Variants in MYO5A observed in about 807,000 individuals in gnomAD.
MYO5A encodes myosin VA.
In MYO5A, 98 loss-of-function variants were observed where a neutral mutation model predicts 249.7. The observed-to-expected ratio is 0.39, with a 90% CI of 0.33 to 0.46. The LOEUF is 0.46. MYO5A is among the 20% of genes least tolerant of loss of function. The probability of loss-of-function intolerance (pLI) is 0.98; values close to 1 mark genes in which losing one functional copy is unlikely to be tolerated. For missense variants in MYO5A, 1,696 were observed against 2,308.8 expected, an observed-to-expected ratio of 0.73 and a Z score of 5.44; for synonymous variants, 778 against 810.6, an observed-to-expected ratio of 0.96 and a Z score of 0.68.
intron 23 of MYO5A, among the ~76,000 whole-genome samples, chr15:52,366,763 T>C (rs934713169): frequency 3.3e-5 from 5 of 152,108 alleles, no homozygotes; most frequent in African/African-American, 1.2e-4. Flanking sequence ...AACAAATTAA[T>C]TTTAAAAAAA....
At chr15:52,516,591 G>A (rs775463741) in intron 1 of MYO5A, among the ~76,000 whole-genome samples, 4 of 152,278 alleles carry the variant, frequency 2.6e-5, no homozygotes, top group Non-Finnish European at 5.9e-5. Flanking sequence ...TGCTACACAC[G>A]GCAATGACCT....
At chr15:52,510,867 G>GA (rs1387730007) in intron 1 of MYO5A, among the ~76,000 whole-genome samples, 5 of 152,210 alleles carry the variant, frequency 3.3e-5, no homozygotes, top group Admixed American at 6.5e-5. Flanking sequence ...ACAGATTTGT[G>GA]AAACAGTCAC....
chr15:52,414,181 C>A (rs968617621), intron 5 of MYO5A, among the ~76,000 whole-genome samples: 2 of 152,072 alleles, frequency 1.3e-5, no homozygotes, highest in Non-Finnish European at 2.9e-5. Flanking sequence ...GTCGGGAGGC[C>A]CTCAGGTTTC....
chr15:52,435,445 T>C (rs2075641815), intron 1 of MYO5A, among the ~76,000 whole-genome samples: 1 of 151,842 alleles, frequency 6.6e-6, no homozygotes, highest in African/African-American at 2.4e-5. Context: ...CCCAGCTAAT[T>C]TTTTTCTATT....
intron 6 of MYO5A, among the ~76,000 whole-genome samples, chr15:52,409,192 T>C (rs1264830068): frequency 1.3e-5 from 2 of 152,100 alleles, no homozygotes; most frequent in Non-Finnish European, 2.9e-5. Flanking sequence ...TAAGCACTAC[T>C]AGCCTTTGGT....
At chr15:52,522,733 A>G (rs868456446) in intron 1 of MYO5A, among the ~76,000 whole-genome samples, 1 of 151,748 alleles carries the variant, frequency 6.6e-6, no homozygotes, top group African/African-American at 2.4e-5. Context: ...CTCCTCTCCC[A>G]CATTCTCCCA....
chr15:52,510,764 G>A (rs1244636206), intron 1 of MYO5A, among the ~76,000 whole-genome samples: 1 of 151,998 alleles, frequency 6.6e-6, no homozygotes, highest in Non-Finnish European at 1.5e-5. Flanking sequence ...TGGAAAAACT[G>A]TCTTCCATGA....
Position 52,397,317 on chromosome 15 carries a change from A to G in MYO5A, c.1203T>C (p.Asp401=), listed in dbSNP as rs1332054768. The part of the protein sequence containing the change: ...ISKLQATNAR[D]ALAKHIYAKL... ...TGGCATAGATGTGCTTGGCCAAAGC[A>G]TCGCGGGCATTCGTGGCCTGCAGCT... The change falls in exon 10 of 42, where the codon GAT becomes GAC. Residue 401 remains aspartate, a synonymous_variant. Coordinates refer to ENST00000399233, the MANE Select transcript of MYO5A (RefSeq NM_001382347.1). 2 of 1,614,054 alleles carry G rather than the reference A, an allele frequency of 1.2e-6. No homozygotes were observed. The highest frequency in any genetic ancestry group is 2.7e-5 in the African/African-American group (2 of 74,934).
In MYO5A at chr15:52,425,548, C is replaced by T. The variant is rs146216901; in HGVS notation, c.455+282G>A. 3.9e-3 allele frequency among the ~76,000 whole-genome samples: 596 copies of T among 152,144 alleles called. 5 individuals carry two copies. The highest frequency in any genetic ancestry group is 5.9e-3 in the Non-Finnish European group (403 of 67,968). On this transcript the variant is annotated intron_variant, in intron 4 of 41. Coordinates refer to ENST00000399233, the MANE Select transcript of MYO5A (RefSeq NM_001382347.1). ...CTAATTTTTGCATTTTTAGTAGAGG[C>T]GGGGTTTCGCCATGTTGGCCAGGCT...
intron 1 of MYO5A, among the ~76,000 whole-genome samples, chr15:52,515,948 A>G (rs976007212): frequency 1.3e-5 from 2 of 152,246 alleles, no homozygotes; most frequent in African/African-American, 2.4e-5. Flanking sequence ...AATGACAGCT[A>G]TAACAGCAAC....
rs939942128 is a variant in MYO5A, at chr15:52,317,045, T to C, written c.5409+3A>G. 14 of 1,613,490 alleles carry C rather than the reference T, an allele frequency of 8.7e-6. No individual in the cohort carries two copies. The highest frequency in any genetic ancestry group is 9.3e-6 in the Non-Finnish European group (11 of 1,179,390). ...TATTTTGTAACAGGGAAAGTTGCTC[T>C]ACCTGGGCAGTAGTTAAAGCATTGC... On this transcript the variant is annotated splice_donor_region_variant and intron_variant, in intron 40 of 41. Transcript: ENST00000399233.
At chr15:52,491,721 A>G (rs922990097) in intron 1 of MYO5A, among the ~76,000 whole-genome samples, 1 of 152,244 alleles carries the variant, frequency 6.6e-6, no homozygotes, top group Non-Finnish European at 1.5e-5. Context: ...ACGGAAATTA[A>G]GGCATATCCT....
chr15:52,340,064 T>C, intron 32 of MYO5A, 132 bp downstream of exon 32: 1 of 904,712 alleles, frequency 1.1e-6, no homozygotes. Flanking sequence ...CTGTCTCTGC[T>C]GGAGTAAGAG....
intron 1 of MYO5A, among the ~76,000 whole-genome samples, chr15:52,449,349 T>C (rs991256127): frequency 3.9e-5 from 6 of 152,172 alleles, no homozygotes; most frequent in Non-Finnish European, 8.8e-5. Context: ...CCCTGTCAAC[T>C]TCTCCAGTGT....
rs1448995760 is a variant in MYO5A at position 52,438,131 on chromosome 15, A to AT, written c.28-4847dup. On this transcript the variant is annotated intron_variant, in intron 1 of 41. Coordinates refer to ENST00000399233, the MANE Select transcript of MYO5A (RefSeq NM_001382347.1). ...GTCAGTTTGAGGATATATACCTTAG[A>AT]TGCTGAAACAGGGAAATCTCAACCT... The AT allele has an allele frequency of 1.6e-5, 13 of 810,604 alleles. No individual in the cohort carries two copies. The Middle Eastern group carries it at 4.9e-3, about 306-fold the overall frequency. The allele number at this position is 810,604 out of a possible 1,614,324, so 50.2% of individuals were successfully genotyped here.
intron 9 of MYO5A, among the ~76,000 whole-genome samples, chr15:52,402,986 A>G (rs1278616986): frequency 6.6e-6 from 1 of 152,264 alleles, no homozygotes; most frequent in Non-Finnish European, 1.5e-5. Context: ...GTTAGAAAAT[A>G]AAAATCATAG....
intron 9 of MYO5A, among the ~76,000 whole-genome samples, chr15:52,403,722 T>A (rs77804961): frequency 0.05 from 7,684 of 152,308 alleles, 237 homozygotes; most frequent in South Asian, 0.11. Context: ...AAGCTCTTTT[T>A]TAAAAGACTA....
Position 52,384,248 on chromosome 15 carries a change from G to C in MYO5A, c.1827C>G (p.Arg609=). ...ISPTSATSSG[R]TPLTRTPAKP... Reference sequence around the variant, plus strand: ...TTGCAGGAGTTCGTGTGAGGGGTGTGCGCCCTGAGGAGGTGGCTGAAGTTG... The same window carrying C: ...TTGCAGGAGTTCGTGTGAGGGGTGTCCGCCCTGAGGAGGTGGCTGAAGTTG... Residue 609 remains arginine (R), a synonymous_variant, in exon 15 of 42, where the codon CGC becomes CGG. Coordinates refer to ENST00000399233, the MANE Select transcript of MYO5A (RefSeq NM_001382347.1). 1 of 1,614,194 alleles carries C rather than the reference G, an allele frequency of 6.2e-7. No homozygotes were observed. Among genetic ancestry groups the C allele is most frequent in the East Asian group, 2.2e-5 (1 of 44,874 alleles).
chr15:52,381,114 T>C (rs527829526), intron 16 of MYO5A, among the ~76,000 whole-genome samples: 5 of 152,332 alleles, frequency 3.3e-5, no homozygotes, highest in African/African-American at 1.2e-4. Flanking sequence ...GGCCAAATGA[T>C]TGCTCCTGTG....
Sources: gnomAD v4.1 joint callset for allele counts (sites outside exome capture counted in the v4.1 genomes callset) on GRCh38, gnomAD v4.1.1 for gene constraint, MANE v1.5 for transcripts, NCBI Gene and HGNC (gene_info 2026-07-23, HGNC 2026-07-21) for gene names.